Variants in MYO7A observed in about 807,000 individuals in gnomAD.
MYO7A encodes myosin VIIA.
In MYO7A, 210 loss-of-function variants were observed where a neutral mutation model predicts 263.8. That is an observed-to-expected ratio of 0.80 (90% CI 0.71 to 0.89). The LOEUF is 0.89. Among genes scored for constraint, MYO7A ranks in the 40% least tolerant of loss-of-function variants. The probability of loss-of-function intolerance (pLI) is 0.00; values close to 1 mark genes in which losing one functional copy is unlikely to be tolerated. For synonymous variants in MYO7A, 1,239 were observed against 1,197.3 expected (o/e 1.03, Z -0.72); for missense variants, 2,820 against 2,968.3 (o/e 0.95, Z 1.16).
rs1164918878 is a variant in MYO7A at position 77,205,488 on chromosome 11, T to G, written c.5507T>G (p.Leu1836Arg). ...IRYSEERGWE[L>R]LWLCTGLFPP... ...TACAGCGAGGAGCGGGGTTGGGAGC[T>G]GCTCTGGCTGTGCACGGGCCTTTTC... The change falls in exon 40 of 49, where the codon CTG (leucine) becomes CGG (arginine). Residue 1836 changes from leucine to arginine, a missense_variant. By Grantham distance (102) the Leu-to-Arg change is moderately radical. Transcript: ENST00000409709. The G allele has an allele frequency of 6.3e-7, 1 of 1,587,142 alleles. No homozygotes were observed. The highest frequency in any genetic ancestry group is 8.6e-7 in the Non-Finnish European group (1 of 1,167,498).
chr11:77,173,690 CG>C (rs1488336354), intron 16 of MYO7A, among the ~76,000 whole-genome samples: 8 of 152,088 alleles, frequency 5.3e-5, no homozygotes, highest in African/African-American at 1.9e-4. Context: ...GAAGGAAGGC[CG>C]GGGAAAGTGG....
chr11:77,144,857 T>A (rs1951455896), intron 3 of MYO7A, among the ~76,000 whole-genome samples: 1 of 152,164 alleles, frequency 6.6e-6, no homozygotes, highest in Non-Finnish European at 1.5e-5. Context: ...CACCCCTCCT[T>A]CCCTTCCTCT....
At chr11:77,173,017 G>A (rs534021120) in intron 16 of MYO7A, 132 bp downstream of exon 16, 1 of 1,319,404 alleles carries the variant, frequency 7.6e-7, no homozygotes, top group African/African-American at 1.5e-5. Context: ...CACCCCGGGA[G>A]CTTACAAAAC....
intron 44 of MYO7A, 169 bp from the exon 45 acceptor site, chr11:77,210,983 C>T: frequency 1.6e-6 from 1 of 639,246 alleles, no homozygotes; most frequent in Non-Finnish European, 2.7e-6. Flanking sequence ...CTGTCCCTGT[C>T]CTGTGCCGTA....
In MYO7A at chr11:77,184,022, C is replaced by G. The variant is rs1037458971; in HGVS notation, c.3376-566C>G. Among the ~76,000 whole-genome samples, 8 of 152,314 alleles carry G rather than the reference C, an allele frequency of 5.3e-5. 1 individual carries two copies. In the Middle Eastern group the frequency reaches 0.01, roughly 194 times the overall value. ...TGGTGCTCCCTGTCTGCACCACCCA[C>G]TCCTGCCGCTCGCCTCTCACTCACC... On this transcript the variant is annotated intron_variant, in intron 26 of 48. Transcript: ENST00000409709.
intron 27 of MYO7A, among the ~76,000 whole-genome samples, chr11:77,185,364 T>C (rs986643003): frequency 3.9e-5 from 6 of 152,248 alleles, no homozygotes; most frequent in Non-Finnish European, 8.8e-5. Flanking sequence ...TGCTGCTGCT[T>C]TATCAATTAA....
At chr11:77,164,607 G>A (rs960345398) in intron 14 of MYO7A, among the ~76,000 whole-genome samples, 3 of 152,186 alleles carry the variant, frequency 2.0e-5, no homozygotes, top group African/African-American at 7.2e-5. Flanking sequence ...GAAGGAAGCA[G>A]ACATTAAGTT....
intron 12 of MYO7A, 62 bp downstream of exon 12, chr11:77,161,177 C>A (rs1952963043): frequency 2.5e-6 from 4 of 1,597,960 alleles, no homozygotes; most frequent in Non-Finnish European, 3.4e-6. Context: ...AGAAATATCA[C>A]GTCTCTCCCT....
chr11:77,159,444 C>T lies in MYO7A; in HGVS notation c.1004-3C>T. The T allele has an allele frequency of 6.7e-7, 1 of 1,488,468 alleles. No individual in the cohort carries two copies. The highest frequency in any genetic ancestry group is 9.2e-7 in the Non-Finnish European group (1 of 1,089,046). The allele number at this position is 1,488,468 out of a possible 1,614,324, so 92.2% of individuals were successfully genotyped here. A position where few individuals can be genotyped will look rare whatever the true frequency, so the allele number is the denominator to read the frequency against. ...CTGATGCTGTGCCCCTTGCTGCCAA[C>T]AGCACGCACATTTGAAAACCTGGAT... On this transcript the variant is annotated splice_region_variant and splice_polypyrimidine_tract_variant and intron_variant, in intron 9 of 48. Coordinates refer to ENST00000409709, the MANE Select transcript of MYO7A (RefSeq NM_000260.4).
rs782640603 is a variant in MYO7A, at chr11:77,179,166, C to A, written c.2367+37C>A. ...CATGGGCTGCTCTTGCCCAAACAGGCCTTTGAACCCAGCCTTGCTGCCATG... is the reference window on the plus strand; with the variant it reads ...CATGGGCTGCTCTTGCCCAAACAGGACTTTGAACCCAGCCTTGCTGCCATG... On this transcript the variant is annotated intron_variant, in intron 20 of 48. Transcript: ENST00000409709. 9.1e-6 allele frequency: 14 copies of A among 1,541,266 alleles called. No homozygotes were observed. The East Asian group carries it at 2.9e-4, about 31-fold the overall frequency.
At chr11:77,156,440 A>G (rs1047909919) in intron 5 of MYO7A, among the ~76,000 whole-genome samples, 1 of 152,222 alleles carries the variant, frequency 6.6e-6, no homozygotes, top group African/African-American at 2.4e-5. Flanking sequence ...GTTGTGCTCT[A>G]TGACAAGTAT....
intron 38 of MYO7A, among the ~76,000 whole-genome samples, chr11:77,203,591 T>C (rs1477929648): frequency 1.3e-5 from 2 of 151,876 alleles, no homozygotes; most frequent in Non-Finnish European, 2.9e-5. Flanking sequence ...CTGGAGGAAG[T>C]GGTATCTAGG....
In MYO7A at chr11:77,162,909, C is replaced by A. The variant is rs782806743; in HGVS notation, c.1611C>A (p.Asn537Lys). Reference protein sequence around the residue: ...KLNSQHKLNANYIPPKNNHET... With the variant: ...KLNSQHKLNAKYIPPKNNHET... ...ACTCCCAGCACAAGCTCAACGCCAACTACATCCCCCCCAAGAACAACCATG... is the reference window on the plus strand; with the variant it reads ...ACTCCCAGCACAAGCTCAACGCCAAATACATCCCCCCCAAGAACAACCATG... The change falls in exon 14 of 49, where the codon AAC becomes AAA. Residue 537 changes from asparagine (N) to lysine (K), a missense_variant. By Grantham distance (94) the Asn-to-Lys change is moderately conservative (BLOSUM62 0). Transcript: ENST00000409709. The A allele has an allele frequency of 6.2e-6, 10 of 1,613,738 alleles. No homozygotes were observed. In the African/African-American group the frequency reaches 1.2e-4, roughly 19 times the overall value.
chr11:77,175,406 AGGCTGTGCTG>A lies in MYO7A; in HGVS notation c.2133_2142del (p.Val712ProfsTer7). On this transcript the variant is annotated frameshift_variant, in exon 18 of 49. Coordinates refer to ENST00000409709, the MANE Select transcript of MYO7A (RefSeq NM_000260.4). LOFTEE classifies it high-confidence loss of function. ...CGCGGGACTTGCCAGCGCATGGCTG[AGGCTGTGCTG>A]GGCACCCACGATGACTGGCAGATAG... is the stretch of plus-strand genomic sequence containing the variant. 1.2e-6 allele frequency: 2 copies of A among 1,613,356 alleles called. No homozygotes were observed. The highest frequency in any genetic ancestry group is 1.7e-6 in the Non-Finnish European group (2 of 1,179,880).
chr11:77,162,038 C>T, intron 12 of MYO7A, 82 bp from the exon 13 acceptor site: 1 of 1,292,992 alleles, frequency 7.7e-7, no homozygotes, highest in African/African-American at 1.5e-5. Context: ...AATGGCCATG[C>T]TGCAGGTGGA....
chr11:77,180,773 C>T (rs190793658), intron 22 of MYO7A, among the ~76,000 whole-genome samples: 76 of 152,278 alleles, frequency 5.0e-4, no homozygotes, highest in African/African-American at 1.7e-3. Context: ...GCTGACGGCA[C>T]GAGGGTGCTA....
At chr11:77,210,045 G>A (rs12793189) in intron 44 of MYO7A, among the ~76,000 whole-genome samples, 80,300 of 152,076 alleles carry the variant, frequency 0.53, 21,381 homozygotes, top group Middle Eastern at 0.62. Context: ...TTAGATGTCA[G>A]TCAGCCATTT....
rs375297862 is a variant in MYO7A, at chr11:77,206,309, C to T, written c.5742+107C>T. 6.1e-4 allele frequency: 496 copies of T among 807,194 alleles called. 8 individuals are homozygous for T. In the South Asian group the frequency reaches 8.0e-3, roughly 13 times the overall value. The allele number at this position is 807,194 out of a possible 1,614,324, so 50.0% of individuals were successfully genotyped here. A position where few individuals can be genotyped will look rare whatever the true frequency, so the allele number is the denominator to read the frequency against. On this transcript the variant is annotated intron_variant, in intron 41 of 48. Coordinates refer to ENST00000409709, the MANE Select transcript of MYO7A (RefSeq NM_000260.4). ...CTCTCCCCCATCACCTGACATTTGC[C>T]GCCTCGTCCTCCTGCCCCGTAGTGG...
chr11:77,180,259 C>G, intron 21 of MYO7A, 115 bp from the exon 22 acceptor site: 1 of 308,584 alleles, frequency 3.2e-6, no homozygotes, highest in Non-Finnish European at 5.3e-6. Flanking sequence ...CTCACTTGTC[C>G]TATCAAAGTC....
Sources: allele counts gnomAD v4.1 joint callset (sites outside exome capture counted in the v4.1 genomes callset), GRCh38; gene constraint gnomAD v4.1.1; transcripts MANE v1.5; gene names NCBI Gene and HGNC (gene_info 2026-07-23, HGNC 2026-07-21).